The following FAM83B variants were observed in gnomAD, a reference collection of about 807,000 sequenced individuals.
The protein encoded by FAM83B is scaffolding CK1 anchoring protein B.
FAM83B carries 26 observed loss-of-function variants against 38.8 expected under a neutral mutation model. That is an observed-to-expected ratio of 0.67 (90% CI 0.49 to 0.93). The LOEUF (loss-of-function observed/expected upper bound fraction) is 0.93. Among genes scored for constraint, FAM83B ranks in the 40% least tolerant of loss-of-function variants. The pLI is 0.00. For synonymous variants in FAM83B, 419 were observed against 423.1 expected (o/e 0.99, Z 0.12); for missense variants, 1,237 against 1,197.3 (o/e 1.03, Z -0.49).
intron 2 of FAM83B, among the ~76,000 whole-genome samples, chr6:54,903,609 G>A (rs1046742947): frequency 2.8e-4 from 43 of 151,662 alleles, no homozygotes; most frequent in South Asian, 4.2e-4. Context: ...TATTCTTTTG[G>A]GGTATGAATC....
chr6:54,847,193 C>T (rs115400666), intron 1 of FAM83B, among the ~76,000 whole-genome samples: 4,572 of 151,028 alleles, frequency 0.03, 231 homozygotes, highest in African/African-American at 0.11. Context: ...GCCGAGGACC[C>T]CGGGAGGGGA....
At chr6:54,925,240 C>A (rs1773261493) in intron 2 of FAM83B, among the ~76,000 whole-genome samples, 7 of 152,182 alleles carry the variant, frequency 4.6e-5, no homozygotes, top group Admixed American at 4.6e-4. Flanking sequence ...TTTCCAGGAA[C>A]CCATGATCCC....
At chr6:54,846,241 T>A (rs909612997), upstream of FAM83B, among the ~76,000 whole-genome samples, 1 of 152,186 alleles carries the variant, frequency 6.6e-6, no homozygotes, top group Non-Finnish European at 1.5e-5. Flanking sequence ...GGATGCCCAC[T>A]GGAATTACCT....
chr6:54,881,312 C>T (rs1219925697), intron 2 of FAM83B, among the ~76,000 whole-genome samples: 2 of 152,132 alleles, frequency 1.3e-5, no homozygotes, highest in Non-Finnish European at 2.9e-5. Context: ...GGTAATATTC[C>T]TTCAGAAATG....
At chr6:54,939,073 A>G (rs775593941) in intron 4 of FAM83B, among the ~76,000 whole-genome samples, 7 of 152,122 alleles carry the variant, frequency 4.6e-5, no homozygotes, top group Non-Finnish European at 8.8e-5. Context: ...TCATTCTTCT[A>G]CATGTGGCTT....
At chr6:54,851,650 T>TTG (rs1771293934) in intron 1 of FAM83B, among the ~76,000 whole-genome samples, 1 of 141,692 alleles carries the variant, frequency 7.1e-6, no homozygotes, top group African/African-American at 2.7e-5. Flanking sequence ...TTTTTGTGTT[T>TTG]TTTTTTTTTT....
At chr6:54,879,989 G>C (rs1245552132) in intron 2 of FAM83B, among the ~76,000 whole-genome samples, 1 of 151,950 alleles carries the variant, frequency 6.6e-6, no homozygotes, top group Non-Finnish European at 1.5e-5. Context: ...GTCCTTTTTT[G>C]TTTTAAAGCT....
chr6:54,923,810 A>G (rs1773223370), intron 2 of FAM83B, among the ~76,000 whole-genome samples: 1 of 151,940 alleles, frequency 6.6e-6, no homozygotes, highest in African/African-American at 2.4e-5. Flanking sequence ...GCTTCATATA[A>G]TAGATGACCA....
At chr6:54,915,834 A>AAAAG (rs1469901723) in intron 2 of FAM83B, among the ~76,000 whole-genome samples, 1 of 90,102 alleles carries the variant, frequency 1.1e-5, no homozygotes, top group East Asian at 2.0e-4. Context: ...AAAAAAAAAA[A>AAAAG]AAAGAAACTC....
intron 1 of FAM83B, among the ~76,000 whole-genome samples, chr6:54,862,341 C>T (rs921595192): frequency 1.3e-5 from 2 of 152,084 alleles, no homozygotes; most frequent in East Asian, 3.9e-4. Context: ...AAGGTGTAGT[C>T]CAGCCTTTGA....
At chr6:54,883,296 C>T (rs553722867) in intron 2 of FAM83B, among the ~76,000 whole-genome samples, 1 of 148,038 alleles carries the variant, frequency 6.8e-6, no homozygotes, top group East Asian at 2.1e-4. Context: ...TTCATTTTCT[C>T]ATAGGACCCA....
chr6:54,891,857 A>C (rs1018898043), intron 2 of FAM83B, among the ~76,000 whole-genome samples: 1 of 151,742 alleles, frequency 6.6e-6, no homozygotes, highest in Non-Finnish European at 1.5e-5. Context: ...GGTTCTCGTT[A>C]TGTTGTCCAG....
intron 2 of FAM83B, among the ~76,000 whole-genome samples, chr6:54,885,303 T>C (rs1039175955): frequency 2.0e-5 from 3 of 152,226 alleles, no homozygotes; most frequent in Non-Finnish European, 4.4e-5. Context: ...AATTTTGTTC[T>C]GTACAATTTT....
rs374175673 is a variant in FAM83B, at chr6:54,940,239, T to A, written c.1268T>A (p.Leu423His). ...AATTGGAAAAAGCCATCTGATAGTC[T>A]CAGTGTGGCGTCCTCATCACGGGAA... ...PGNWKKPSDS[L>H]SVASSSREGY... The change falls in exon 5 of 5, where the codon CTC becomes CAC. Residue 423 changes from leucine to histidine, a missense_variant. Leu to His is a moderately conservative substitution (Grantham distance 99, BLOSUM62 -3). Transcript: ENST00000306858. 38 of 1,613,910 alleles carry A rather than the reference T, an allele frequency of 2.4e-5. No homozygotes were observed. The highest frequency in any genetic ancestry group is 3.3e-4 in the Middle Eastern group (2 of 6,080).
chr6:54,915,466 G>T (rs1351092204), intron 2 of FAM83B, among the ~76,000 whole-genome samples: 2 of 152,080 alleles, frequency 1.3e-5, no homozygotes, highest in Non-Finnish European at 2.9e-5. Flanking sequence ...GGCATCTCAT[G>T]CTAGACTAGG....
chr6:54,891,588 G>A (rs1286287790), intron 2 of FAM83B, among the ~76,000 whole-genome samples: 1 of 152,048 alleles, frequency 6.6e-6, no homozygotes, highest in Non-Finnish European at 1.5e-5. Flanking sequence ...GATTCTAGCT[G>A]GTGGTCCAGC....
chr6:54,854,951 G>A (rs1172290109), intron 1 of FAM83B, among the ~76,000 whole-genome samples: 5 of 152,130 alleles, frequency 3.3e-5, no homozygotes, highest in African/African-American at 9.7e-5. Flanking sequence ...GTGTGCAATG[G>A]TCATCTGATC....
At chr6:54,892,193 A>G (rs1772418961) in intron 2 of FAM83B, among the ~76,000 whole-genome samples, 1 of 152,164 alleles carries the variant, frequency 6.6e-6, no homozygotes, top group Non-Finnish European at 1.5e-5. Flanking sequence ...TGCAAGTGCC[A>G]AAGAAGCCCT....
Position 54,880,515 on chromosome 6 carries a change from G to T in FAM83B, c.444+9825G>T, listed in dbSNP as rs529477438. ...CCTGGAGTGCAGTGGCATGATCTCG[G>T]CTCACTGCCACCTCTGCCTCTCAGG... On this transcript the variant is annotated intron_variant, in intron 2 of 4. Coordinates refer to ENST00000306858, the MANE Select transcript of FAM83B (RefSeq NM_001010872.3). Among the ~76,000 whole-genome samples, 9 of 140,582 alleles carry T rather than the reference G, an allele frequency of 6.4e-5. 1 individual carries two copies. In the South Asian group the frequency reaches 9.0e-4, roughly 14 times the overall value. 92.2% of individuals were successfully genotyped at this position (140,582 alleles called of 152,430 possible). A position where few individuals can be genotyped will look rare whatever the true frequency, so the allele number is the denominator to read the frequency against.
Sources: allele counts gnomAD v4.1 joint callset (sites outside exome capture counted in the v4.1 genomes callset), GRCh38; gene constraint gnomAD v4.1.1; transcripts MANE v1.5; gene names NCBI Gene and HGNC (gene_info 2026-07-23, HGNC 2026-07-21).